Variants in GADL1 observed in about 807,000 individuals in gnomAD.
GADL1 encodes acidic amino acid decarboxylase GADL1.
Under a neutral mutation model 69.5 loss-of-function variants are expected in GADL1, and 71 were observed. The ratio of observed to expected loss-of-function variants is 1.02; its 90% confidence interval spans 0.84 to 1.25. The LOEUF is 1.25. Among genes scored for constraint, GADL1 ranks in the 50% most tolerant of loss-of-function variants. GADL1 has a pLI of 0.00. For missense variants in GADL1, 737 were observed against 631.8 expected, an observed-to-expected ratio of 1.17 and a Z score of -1.79; for synonymous variants, 254 against 214.4, an observed-to-expected ratio of 1.18 and a Z score of -1.62.
intron 11 of GADL1, among the ~76,000 whole-genome samples, chr3:30,821,110 T>C (rs924217605): frequency 6.6e-6 from 1 of 151,798 alleles, no homozygotes; most frequent in Non-Finnish European, 1.5e-5. Flanking sequence ...CACTCATAGG[T>C]GGGAATTGAA....
In GADL1 at chr3:30,889,084, T is replaced by TAAAAAAAAAAAAA. The variant is rs60227313; in HGVS notation, c.37+5481_37+5493dup. Among the ~76,000 whole-genome samples the TAAAAAAAAAAAAA allele has an allele frequency of 3.6e-4, 12 of 32,914 alleles. 2 individuals are homozygous for TAAAAAAAAAAAAA. Among genetic ancestry groups the TAAAAAAAAAAAAA allele is most frequent in the Non-Finnish European group, 5.4e-4 (8 of 14,834 alleles). The allele number at this position is 32,914 out of a possible 152,430, so 21.6% of individuals were successfully genotyped here. A position where few individuals can be genotyped will look rare whatever the true frequency, so the allele number is the denominator to read the frequency against. ...GAAATACCGAAGACTCGGTAATCTA[T>TAAAAAAAAAAAAA]AAAAAAAAAAAAAAAAAAAAAAAAA... On this transcript the variant is annotated intron_variant, in intron 1 of 14. Coordinates refer to ENST00000282538, the MANE Select transcript of GADL1 (RefSeq NM_207359.3).
At chr3:30,844,733 C>G (rs998322458) in intron 6 of GADL1, among the ~76,000 whole-genome samples, 1 of 152,126 alleles carries the variant, frequency 6.6e-6, no homozygotes, top group Non-Finnish European at 1.5e-5. Flanking sequence ...CCTCAATTTC[C>G]TACTCTTTAA....
chr3:30,763,226 C>T (rs1000460887), intron 14 of GADL1, among the ~76,000 whole-genome samples: 1 of 152,142 alleles, frequency 6.6e-6, no homozygotes, highest in African/African-American at 2.4e-5. Flanking sequence ...TGGCCAGGAA[C>T]AGTGGCTCAC....
chr3:30,838,819 G>T (rs781411312), intron 9 of GADL1, among the ~76,000 whole-genome samples, 178 bp downstream of exon 9: 3 of 152,062 alleles, frequency 2.0e-5, no homozygotes, highest in Non-Finnish European at 4.4e-5. Context: ...TATACACAAA[G>T]TCGTGGAATC....
intron 11 of GADL1, among the ~76,000 whole-genome samples, chr3:30,801,926 T>C (rs546813936): frequency 2.9e-4 from 44 of 152,220 alleles, no homozygotes; most frequent in Non-Finnish European, 5.0e-4. Flanking sequence ...TCAATGTCCT[T>C]GAACCACTAC....
At chr3:30,855,939 A>AAAC (rs1420221978) in intron 3 of GADL1, among the ~76,000 whole-genome samples, 19 of 151,732 alleles carry the variant, frequency 1.3e-4, no homozygotes, top group African/African-American at 4.4e-4. Flanking sequence ...CAAAAAAAAA[A>AAAC]AAAACGGCAT....
chr3:30,865,661 C>T (rs1251122911), intron 1 of GADL1, among the ~76,000 whole-genome samples: 1 of 151,906 alleles, frequency 6.6e-6, no homozygotes, highest in Non-Finnish European at 1.5e-5. Flanking sequence ...CTGAAAGAAC[C>T]CCGGGAACAG....
chr3:30,804,614 T>C (rs987729992), intron 11 of GADL1, among the ~76,000 whole-genome samples: 4 of 152,224 alleles, frequency 2.6e-5, no homozygotes, highest in African/African-American at 7.2e-5. Flanking sequence ...TCTTGTTAGA[T>C]GTCTAACCTG....
At chr3:30,792,215 C>A (rs1696938378) in intron 12 of GADL1, among the ~76,000 whole-genome samples, 1 of 152,156 alleles carries the variant, frequency 6.6e-6, no homozygotes, top group African/African-American at 2.4e-5. Context: ...CATAAAAAGT[C>A]CCACTATCAA....
At chr3:30,780,365 A>G (rs1696637385) in intron 13 of GADL1, among the ~76,000 whole-genome samples, 1 of 152,192 alleles carries the variant, frequency 6.6e-6, no homozygotes. Flanking sequence ...TCTAGACCTC[A>G]GTCCTGGGAA....
intron 4 of GADL1, among the ~76,000 whole-genome samples, chr3:30,853,301 G>T (rs1256973165): frequency 6.6e-6 from 1 of 152,098 alleles, no homozygotes; most frequent in East Asian, 1.9e-4. Flanking sequence ...CAGAATTTCA[G>T]ATTTAATTGG....
rs35529398 is a variant in GADL1 at position 30,800,806 on chromosome 3, G to GACACAC, written c.1250+77_1250+82dup. ...GGTCTTCCTATTACAGACACAGATA[G>GACACAC]ACACACACACACACACACACACACA... On this transcript the variant is annotated intron_variant, in intron 12 of 14. Transcript: ENST00000282538. The GACACAC allele has an allele frequency of 1.0e-4, 74 of 727,140 alleles. 1 individual carries two copies. Among genetic ancestry groups the GACACAC allele is most frequent in the African/African-American group, 7.6e-4 (40 of 52,924 alleles). The allele number at this position is 727,140 out of a possible 1,614,324, so 45.0% of individuals were successfully genotyped here.
chr3:30,889,690 T>G (rs940256289), intron 1 of GADL1, among the ~76,000 whole-genome samples: 1 of 152,202 alleles, frequency 6.6e-6, no homozygotes, highest in African/African-American at 2.4e-5. Context: ...TATGCAATTT[T>G]GGAATGCTGA....
intron 9 of GADL1, among the ~76,000 whole-genome samples, chr3:30,838,257 T>A (rs1406232265): frequency 6.6e-6 from 1 of 152,102 alleles, no homozygotes; most frequent in African/African-American, 2.4e-5. Context: ...AAATTAATTT[T>A]AAAAAAGAAA....
chr3:30,889,739 G>A (rs1698762086), intron 1 of GADL1, among the ~76,000 whole-genome samples: 1 of 152,126 alleles, frequency 6.6e-6, no homozygotes, highest in African/African-American at 2.4e-5. Flanking sequence ...AAGAGTTAGA[G>A]GAGGGCAAAT....
intron 14 of GADL1, among the ~76,000 whole-genome samples, chr3:30,730,019 A>C (rs571692869): frequency 1.3e-5 from 2 of 152,340 alleles, no homozygotes; most frequent in Admixed American, 1.3e-4. Context: ...AGCATGGGCC[A>C]TCAGGTTCTA....
At chr3:30,830,330 T>G (rs779866611) in intron 11 of GADL1, among the ~76,000 whole-genome samples, 14 of 151,986 alleles carry the variant, frequency 9.2e-5, no homozygotes, top group Non-Finnish European at 1.5e-4. Flanking sequence ...CTTTGGATCT[T>G]CATCTCTGAA....
rs865905985 is a variant in GADL1, at chr3:30,850,001, C to A, written c.646G>T (p.Ala216Ser). ...ATACCAAAAATAATTTTTACCTCTGCAGATGTGAAAAGGATTAATCTTGGC... is the reference window on the plus strand; with the variant it reads ...ATACCAAAAATAATTTTTACCTCTGAAGATGTGAAAAGGATTAATCTTGGC... ...GSPRLILFTSAECHYSMKKAA... is the reference protein window; with the variant it reads ...GSPRLILFTSSECHYSMKKAA... Residue 216 changes from alanine (A) to serine (S), a missense_variant, in exon 6 of 15, where the codon GCA becomes TCA. Ala to Ser is a moderately conservative substitution (Grantham distance 99). Transcript: ENST00000282538. 6.4e-7 allele frequency: 1 copy of A among 1,566,262 alleles called. No individual in the cohort carries two copies. The highest frequency in any genetic ancestry group is 8.8e-7 in the Non-Finnish European group (1 of 1,137,244).
chr3:30,825,691 G>T (rs1349577440), intron 11 of GADL1, among the ~76,000 whole-genome samples: 1 of 151,654 alleles, frequency 6.6e-6, no homozygotes, highest in African/African-American at 2.4e-5. Context: ...AACGCTGCAG[G>T]TTCTCACTAA....
Sources: gnomAD v4.1 joint callset for allele counts (sites outside exome capture counted in the v4.1 genomes callset) on GRCh38, gnomAD v4.1.1 for gene constraint, MANE v1.5 for transcripts, NCBI Gene and HGNC (gene_info 2026-07-23, HGNC 2026-07-21) for gene names.